BBS9: variants seen among roughly 807,000 people sequenced by gnomAD.
BBS9 encodes protein PTHB1.
BBS9 carries 89 observed loss-of-function variants against 117.7 expected under a neutral mutation model. The observed-to-expected ratio is 0.76, with a 90% CI of 0.64 to 0.90. The LOEUF is 0.90. Ranked by LOEUF, BBS9 falls within the 40% of genes least tolerant of loss-of-function variation. BBS9 has a pLI of 0.00. For missense variants in BBS9, 982 were observed against 1,042.2 expected (o/e 0.94, Z 0.80); for synonymous variants, 379 against 370.9 (o/e 1.02, Z -0.25).
At chr7:33,439,676 G>A (rs1835860242) in intron 19 of BBS9, among the ~76,000 whole-genome samples, 1 of 151,858 alleles carries the variant, frequency 6.6e-6, no homozygotes, top group Admixed American at 6.6e-5. Flanking sequence ...TTACAGGTGT[G>A]TGCCACCACG....
intron 1 of BBS9, among the ~76,000 whole-genome samples, chr7:33,143,936 TTTG>T (rs1328534643): frequency 6.6e-6 from 1 of 150,714 alleles, no homozygotes; most frequent in Non-Finnish European, 1.5e-5. Flanking sequence ...ATGGTTTGTT[TTTG>T]TTGTTGTTGT....
At chr7:33,443,355 G>A (rs1463152206) in intron 19 of BBS9, among the ~76,000 whole-genome samples, 1 of 152,106 alleles carries the variant, frequency 6.6e-6, no homozygotes, top group African/African-American at 2.4e-5. Flanking sequence ...GACGTAGCTA[G>A]TGGAGGACTA....
intron 9 of BBS9, among the ~76,000 whole-genome samples, chr7:33,329,894 CTG>C (rs765019154): frequency 2.6e-5 from 4 of 152,028 alleles, no homozygotes; most frequent in African/African-American, 4.8e-5. Flanking sequence ...TATTTATTGA[CTG>C]TATTATTTTT....
intron 19 of BBS9, among the ~76,000 whole-genome samples, chr7:33,465,455 A>T (rs1196907417): frequency 6.6e-6 from 1 of 152,134 alleles, no homozygotes. Flanking sequence ...TTTAGTTAAT[A>T]CAGTGAAGGA....
chr7:33,466,394 A>G (rs1217300242), intron 19 of BBS9, among the ~76,000 whole-genome samples: 1 of 88,808 alleles, frequency 1.1e-5, no homozygotes, highest in Non-Finnish European at 2.1e-5. Flanking sequence ...GTCATGCAGT[A>G]TTTGTCTTTC....
At chr7:33,465,097 G>T (rs545274808) in intron 19 of BBS9, among the ~76,000 whole-genome samples, 2 of 151,820 alleles carry the variant, frequency 1.3e-5, no homozygotes, top group Admixed American at 6.6e-5. Flanking sequence ...TAATAATTTT[G>T]TTGGTTCTTC....
At chr7:33,574,467 T>A (rs543034785) in intron 21 of BBS9, among the ~76,000 whole-genome samples, 1 of 152,170 alleles carries the variant, frequency 6.6e-6, no homozygotes, top group African/African-American at 2.4e-5. Context: ...AGAAGCTAAG[T>A]AACTCATTCA....
intron 19 of BBS9, among the ~76,000 whole-genome samples, chr7:33,470,624 A>G (rs1310224572): frequency 6.6e-6 from 1 of 152,208 alleles, no homozygotes; most frequent in Non-Finnish European, 1.5e-5. Context: ...ATCTTAGCAT[A>G]ATAGACTTTA....
intron 21 of BBS9, among the ~76,000 whole-genome samples, chr7:33,598,373 G>C (rs975243045): frequency 6.6e-6 from 1 of 152,102 alleles, no homozygotes; most frequent in African/African-American, 2.4e-5. Context: ...AACAAAGTGT[G>C]AGAAATTATC....
At chr7:33,171,498 T>C (rs1796569863) in intron 4 of BBS9, among the ~76,000 whole-genome samples, 1 of 152,234 alleles carries the variant, frequency 6.6e-6, no homozygotes, top group Admixed American at 6.5e-5. Flanking sequence ...CAACTAAAAT[T>C]TTAACTCTTA....
chr7:33,399,323 T>G (rs1003393546), intron 19 of BBS9, among the ~76,000 whole-genome samples: 46 of 152,216 alleles, frequency 3.0e-4, no homozygotes, highest in African/African-American at 1.1e-3. Flanking sequence ...AGCAGGCAGT[T>G]GTGAAGCACT....
chr7:33,342,786 T>G (rs1387988667), intron 11 of BBS9, among the ~76,000 whole-genome samples: 2 of 152,132 alleles, frequency 1.3e-5, no homozygotes, highest in Non-Finnish European at 2.9e-5. Context: ...ATCTAGGTGT[T>G]TAGTCATGGA....
intron 5 of BBS9, among the ~76,000 whole-genome samples, chr7:33,193,198 C>T (rs1474487336): frequency 1.3e-5 from 2 of 152,010 alleles, no homozygotes; most frequent in African/African-American, 2.4e-5. Flanking sequence ...CTATATATAT[C>T]TATATATCTG....
At chr7:33,448,181 G>A (rs949715505) in intron 19 of BBS9, among the ~76,000 whole-genome samples, 3 of 151,972 alleles carry the variant, frequency 2.0e-5, no homozygotes, top group African/African-American at 4.8e-5. Flanking sequence ...GCGTTGCCTT[G>A]GTTTCCTGTG....
chr7:33,421,372 A>G (rs1832837895), intron 19 of BBS9, among the ~76,000 whole-genome samples: 1 of 152,204 alleles, frequency 6.6e-6, no homozygotes, highest in Admixed American at 6.5e-5. Flanking sequence ...CATCATAATC[A>G]ACTATTGCAT....
chr7:33,394,035 A>G (rs1403025450), intron 19 of BBS9, among the ~76,000 whole-genome samples: 1 of 152,146 alleles, frequency 6.6e-6, no homozygotes, highest in Admixed American at 6.5e-5. Flanking sequence ...ATACTCCACT[A>G]GGAACATACA....
intron 21 of BBS9, among the ~76,000 whole-genome samples, chr7:33,588,025 T>C (rs1861235502): frequency 6.6e-6 from 1 of 152,096 alleles, no homozygotes; most frequent in Non-Finnish European, 1.5e-5. Flanking sequence ...CTTTATACCT[T>C]CTTTTGCAGT....
intron 19 of BBS9, among the ~76,000 whole-genome samples, chr7:33,415,201 G>A (rs1386409851): frequency 6.6e-6 from 1 of 152,164 alleles, no homozygotes; most frequent in Non-Finnish European, 1.5e-5. Flanking sequence ...ACAATCTGAA[G>A]TAAAAGTATG....
intron 20 of BBS9, among the ~76,000 whole-genome samples, chr7:33,507,007 G>A (rs2392243): frequency 0.78 from 118,366 of 152,082 alleles, 46,410 homozygotes; most frequent in African/African-American, 0.87. Flanking sequence ...TCCACCACTT[G>A]GTGACAAAAT....
Sources: gnomAD v4.1 joint callset for allele counts (sites outside exome capture counted in the v4.1 genomes callset) on GRCh38, gnomAD v4.1.1 for gene constraint, MANE v1.5 for transcripts, NCBI Gene and HGNC (gene_info 2026-07-23, HGNC 2026-07-21) for gene names.